The following MAP4K4 variants were observed in gnomAD, a reference collection of about 807,000 sequenced individuals.
MAP4K4 encodes the protein HPK/GCK-like kinase HGK.
A neutral mutation model predicts 189.6 loss-of-function variants in MAP4K4; 38 were observed. The ratio of observed to expected loss-of-function variants is 0.20; its 90% CI spans 0.15 to 0.26. MAP4K4 has a LOEUF of 0.26. Ranked by LOEUF, MAP4K4 falls within the 10% of genes least tolerant of loss-of-function variation. The pLI, the probability that MAP4K4 is intolerant of heterozygous loss-of-function variation, is 1.00. For missense variants in MAP4K4, 1,054 were observed against 1,726.9 expected, an observed-to-expected ratio of 0.61 and a Z score of 6.91; for synonymous variants, 610 against 624.3, an observed-to-expected ratio of 0.98 and a Z score of 0.34.
chr2:101,749,406 G>A (rs1253008756), intron 2 of MAP4K4, among the ~76,000 whole-genome samples: 5 of 151,212 alleles, frequency 3.3e-5, no homozygotes, highest in Admixed American at 1.3e-4. Flanking sequence ...ACAAGCAATG[G>A]GGAAAGGATT....
chr2:101,860,585 C>A (rs2097615350), intron 15 of MAP4K4: 2 of 413,676 alleles, frequency 4.8e-6, no homozygotes, highest in South Asian at 4.5e-5. Context: ...GAATTCTGAG[C>A]AAGGAGGAGA....
At chr2:101,836,770 C>T (rs1401769240) in intron 9 of MAP4K4, among the ~76,000 whole-genome samples, 2 of 152,152 alleles carry the variant, frequency 1.3e-5, no homozygotes. Flanking sequence ...TAGGCTGTCA[C>T]TTTTCCTTCT....
chr2:101,745,937 A>T (rs930791583), intron 2 of MAP4K4, among the ~76,000 whole-genome samples: 1 of 149,968 alleles, frequency 6.7e-6, no homozygotes. Flanking sequence ...CTGTCAGTCT[A>T]CACTCAGATC....
chr2:101,758,959 G>C (rs913433882), intron 2 of MAP4K4, among the ~76,000 whole-genome samples: 3 of 151,540 alleles, frequency 2.0e-5, no homozygotes, highest in African/African-American at 7.3e-5. Flanking sequence ...TGGTGAAACC[G>C]CGTCTCTACT....
At chr2:101,698,400 C>T (rs2035829349) in intron 1 of MAP4K4, 73 bp from the exon 2 acceptor site, 2 of 1,365,514 alleles carry the variant, frequency 1.5e-6, no homozygotes, top group Non-Finnish European at 2.1e-6. Context: ...CTTTTCTCTC[C>T]AACTGCCTTG....
intron 16 of MAP4K4, among the ~76,000 whole-genome samples, chr2:101,862,474 G>A (rs1559234687): frequency 6.6e-6 from 1 of 152,066 alleles, no homozygotes; most frequent in Non-Finnish European, 1.5e-5. Context: ...CTGAGGACTC[G>A]TGTTCTTTAG....
chr2:101,789,159 A>G (rs115409459), intron 2 of MAP4K4, among the ~76,000 whole-genome samples: 1,634 of 152,324 alleles, frequency 0.011, 38 homozygotes, highest in African/African-American at 0.037. Flanking sequence ...GCAGGGGGTG[A>G]ATAACAGGTT....
intron 2 of MAP4K4, among the ~76,000 whole-genome samples, chr2:101,763,202 G>C (rs964266663): frequency 1.3e-5 from 2 of 152,186 alleles, no homozygotes; most frequent in Non-Finnish European, 2.9e-5. Flanking sequence ...AATCCGGTGA[G>C]ACTGAGAGAC....
intron 2 of MAP4K4, among the ~76,000 whole-genome samples, chr2:101,716,352 A>G (rs914228410): frequency 1.3e-5 from 2 of 152,194 alleles, no homozygotes; most frequent in Non-Finnish European, 2.9e-5. Context: ...CTGAGGCAGA[A>G]GAATGGCGTG....
chr2:101,702,589 A>C (rs2039550815), intron 2 of MAP4K4, among the ~76,000 whole-genome samples: 1 of 152,152 alleles, frequency 6.6e-6, no homozygotes, highest in Non-Finnish European at 1.5e-5. Flanking sequence ...AAAAGAAAAG[A>C]AGATTGCCAG....
At chr2:101,815,990 CTG>C (rs1478287691) in intron 3 of MAP4K4, among the ~76,000 whole-genome samples, 10 of 152,180 alleles carry the variant, frequency 6.6e-5, no homozygotes, top group African/African-American at 2.4e-4. Context: ...TTCTGGTATT[CTG>C]TCCTGCGACT....
chr2:101,762,633 C>T (rs2076974246), intron 2 of MAP4K4, among the ~76,000 whole-genome samples: 1 of 152,160 alleles, frequency 6.6e-6, no homozygotes, highest in South Asian at 2.1e-4. Context: ...AATGGGAGCT[C>T]TTTAACAAAA....
intron 2 of MAP4K4, among the ~76,000 whole-genome samples, chr2:101,723,552 A>G (rs2149474028): frequency 6.6e-6 from 1 of 152,308 alleles, no homozygotes; most frequent in East Asian, 1.9e-4. Context: ...CTCCTTGTGT[A>G]GCTTGTGTGC....
At chr2:101,768,172 T>C (rs1180615424) in intron 2 of MAP4K4, among the ~76,000 whole-genome samples, 1 of 152,236 alleles carries the variant, frequency 6.6e-6, no homozygotes, top group Non-Finnish European at 1.5e-5. Flanking sequence ...ATATAATGAA[T>C]TGGGGGCACT....
chr2:101,705,508 A>T (rs2041856303), intron 2 of MAP4K4, among the ~76,000 whole-genome samples: 1 of 152,226 alleles, frequency 6.6e-6, no homozygotes, highest in Non-Finnish European at 1.5e-5. Context: ...TGTGCTTTAA[A>T]TTACAGTAAA....
chr2:101,864,465 T>C (rs898267884), intron 17 of MAP4K4, among the ~76,000 whole-genome samples: 6 of 152,240 alleles, frequency 3.9e-5, no homozygotes, highest in African/African-American at 1.4e-4. Context: ...TTTGTTTTTG[T>C]GTTTACATAA....
At chr2:101,839,446 T>G (rs540070320) in intron 9 of MAP4K4, among the ~76,000 whole-genome samples, 1 of 152,214 alleles carries the variant, frequency 6.6e-6, no homozygotes, top group Non-Finnish European at 1.5e-5. Context: ...GTACCAGACA[T>G]CTGTCCTGTC....
At chr2:101,881,426 G>A (rs2098386595) in intron 27 of MAP4K4, among the ~76,000 whole-genome samples, 2 of 152,030 alleles carry the variant, frequency 1.3e-5, no homozygotes, top group Non-Finnish European at 2.9e-5. Flanking sequence ...TTTTTTGGTT[G>A]ATTCTTCAGG....
intron 2 of MAP4K4, among the ~76,000 whole-genome samples, chr2:101,728,515 C>A (rs960386035): frequency 4.0e-5 from 6 of 151,702 alleles, no homozygotes; most frequent in Middle Eastern, 6.8e-3. Context: ...TATAGTAACA[C>A]TTTTTTTTTC....
Sources: allele counts gnomAD v4.1 joint callset (sites outside exome capture counted in the v4.1 genomes callset), GRCh38; gene constraint gnomAD v4.1.1; transcripts MANE v1.5; gene names NCBI Gene and HGNC (gene_info 2026-07-23, HGNC 2026-07-21).